GPN1: variants seen among roughly 807,000 people sequenced by gnomAD.
GPN1 encodes the protein GPN-loop GTPase 1.
In GPN1, 44 loss-of-function variants were observed where a neutral mutation model predicts 55.9. The ratio of observed to expected loss-of-function variants is 0.79; its 90% confidence interval spans 0.62 to 1.01. GPN1 has a LOEUF of 1.01. Ranked by LOEUF, GPN1 falls within the 50% of genes least tolerant of loss-of-function variation. The pLI is 0.00. For missense variants in GPN1, 466 were observed against 462.8 expected, an observed-to-expected ratio of 1.01 and a Z score of -0.06; for synonymous variants, 179 against 162.5, an observed-to-expected ratio of 1.10 and a Z score of -0.77.
rs868536016 is a variant in GPN1 at position 27,651,188 on chromosome 2, A to T, written c.*988A>T. 6.6e-6 allele frequency: 1 copy of T among 152,336 alleles called. No homozygotes were observed. Among genetic ancestry groups the T allele is most frequent in the Non-Finnish European group, 1.5e-5 (1 of 68,040 alleles). The allele number at this position is 152,336 out of a possible 1,614,324, so 9.4% of individuals were successfully genotyped here. A position where few individuals can be genotyped will look rare whatever the true frequency, so the allele number is the denominator to read the frequency against. ...TAAAACAGTACATTTCTTTCAAAGA[A>T]TTTTATCTCTATGAGTCAGTACTCC... On this transcript the variant is annotated 3_prime_UTR_variant, in exon 14 of 14. Transcript: ENST00000610189.
chr2:27,630,064 G>A (rs1003053872), intron 2 of GPN1, 112 bp downstream of exon 2: 5 of 688,222 alleles, frequency 7.3e-6, no homozygotes, highest in Non-Finnish European at 1.3e-5. Flanking sequence ...GAGGCAGGTA[G>A]ATCACGAGGT....
chr2:27,629,328 TCGGGCCC>T, intron 1 of GPN1, 159 bp downstream of exon 1: 1 of 1,507,532 alleles, frequency 6.6e-7, no homozygotes, highest in Non-Finnish European at 9.0e-7. Flanking sequence ...CAAAGCCTCC[TCGGGCCC>T]TAGCCAGGTT....
chr2:27,647,741 G>A (rs757994603), intron 12 of GPN1, 95 bp from the exon 13 acceptor site: 1 of 715,002 alleles, frequency 1.4e-6, no homozygotes, highest in Non-Finnish European at 2.5e-6. Flanking sequence ...TGTATCATGA[G>A]CACTTTCATC....
chr2:27,645,028 C>T (rs549841700), intron 12 of GPN1, among the ~76,000 whole-genome samples: 8 of 152,068 alleles, frequency 5.3e-5, no homozygotes, highest in South Asian at 2.1e-4. Flanking sequence ...AGTGCAGTGG[C>T]GCAATCATAG....
intron 13 of GPN1, among the ~76,000 whole-genome samples, chr2:27,648,263 T>C (rs140250855): frequency 3.4e-4 from 52 of 152,336 alleles, no homozygotes; most frequent in African/African-American, 1.2e-3. Context: ...CTCATGCCTG[T>C]AATCCCACTG....
intron 12 of GPN1, among the ~76,000 whole-genome samples, chr2:27,647,553 G>A (rs1363895662): frequency 6.6e-6 from 1 of 152,126 alleles, no homozygotes; most frequent in Non-Finnish European, 1.5e-5. Flanking sequence ...CTGTGAGCCA[G>A]TAAAAAAGAA....
chr2:27,640,223 G>T, intron 10 of GPN1, 98 bp downstream of exon 10: 1 of 819,840 alleles, frequency 1.2e-6, no homozygotes, highest in Non-Finnish European at 2.1e-6. Flanking sequence ...TTTTCATGAT[G>T]GATGTATTAT....
intron 12 of GPN1, among the ~76,000 whole-genome samples, chr2:27,646,810 T>C (rs1200772224): frequency 6.6e-6 from 1 of 152,200 alleles, no homozygotes; most frequent in East Asian, 1.9e-4. Context: ...GCTCTATATC[T>C]AGTAGAGAAC....
rs141362157 is a variant in GPN1 at position 27,640,913 on chromosome 2, T to C, written c.801-327T>C. Among the ~76,000 whole-genome samples the C allele has an allele frequency of 1.3e-3, 196 of 152,332 alleles. 2 individuals carry two copies. The highest frequency in any genetic ancestry group is 4.6e-3 in the African/African-American group (191 of 41,576). On this transcript the variant is annotated intron_variant, in intron 10 of 13. Transcript: ENST00000610189. ...AAAGCACATAATTGTATGTTGCACG[T>C]CCTGAGCTCAACAGGCTTATCTTTT...
intron 13 of GPN1, among the ~76,000 whole-genome samples, chr2:27,649,265 A>C (rs1237514185): frequency 8.5e-6 from 1 of 117,784 alleles, no homozygotes; most frequent in Non-Finnish European, 2.0e-5. Flanking sequence ...ACAAACAAAC[A>C]AACAAAAAAA....
chr2:27,635,888 T>TA (rs1673715574), intron 7 of GPN1, among the ~76,000 whole-genome samples: 1 of 152,092 alleles, frequency 6.6e-6, no homozygotes, highest in African/African-American at 2.4e-5. Flanking sequence ...CATGAGGAGA[T>TA]ACCATGAATA....
At position 27,635,142 on chromosome 2, in the gene GPN1, A is replaced by T. The variant is rs764213461; in HGVS notation, c.432A>T (p.Ala144=). Residue 144 remains alanine (A), a splice_region_variant and synonymous_variant, in exon 7 of 14, where the codon GCA becomes GCT. Coordinates refer to ENST00000610189, the MANE Select transcript of GPN1 (RefSeq NM_007266.4). Reference sequence around the variant, plus strand: ...CTTTGATTTTTTTGTGGCTTTAGGCATCCTCATTTCCAACAGTTGTCATCT... The same window carrying T: ...CTTTGATTTTTTTGTGGCTTTAGGCTTCCTCATTTCCAACAGTTGTCATCT... ...ASGTIITEAL[A]SSFPTVVIYV... 6.4e-7 allele frequency: 1 copy of T among 1,574,032 alleles called. No individual in the cohort carries two copies. Among genetic ancestry groups the T allele is most frequent in the Non-Finnish European group, 8.7e-7 (1 of 1,146,182 alleles).
At chr2:27,639,222 C>T (rs1355799805) in intron 9 of GPN1, among the ~76,000 whole-genome samples, 191 bp downstream of exon 9, 1 of 152,128 alleles carries the variant, frequency 6.6e-6, no homozygotes, top group Non-Finnish European at 1.5e-5. Flanking sequence ...AGTTTATAGT[C>T]TATTTGGGAG....
intron 7 of GPN1, 71 bp from the exon 8 acceptor site, chr2:27,638,139 C>A (rs748878379): frequency 2.7e-5 from 22 of 824,720 alleles, no homozygotes; most frequent in African/African-American, 5.0e-5. Context: ...TACTTAGTCC[C>A]GACATGCTGA....
chr2:27,630,988 A>G (rs1225731717), intron 2 of GPN1, 39 bp from the exon 3 acceptor site: 1 of 932,160 alleles, frequency 1.1e-6, no homozygotes, highest in Non-Finnish European at 1.8e-6. Flanking sequence ...GGGAATGTGT[A>G]TGTATTACAT....
In GPN1 at chr2:27,629,081, C is replaced by T. The variant is rs1388763379; in HGVS notation, c.23C>T (p.Ala8Val). 20 of 1,614,122 alleles carry T rather than the reference C, an allele frequency of 1.2e-5. No homozygotes were observed. The highest frequency in any genetic ancestry group is 1.7e-5 in the Non-Finnish European group (20 of 1,180,050). The change falls in exon 1 of 14, where the codon GCT becomes GTT. Residue 8 changes from alanine to valine, a missense_variant. Physicochemically the swap from Ala to Val is moderately conservative, Grantham distance 64. Coordinates refer to ENST00000610189, the MANE Select transcript of GPN1 (RefSeq NM_007266.4). ...AAGATGGCGGCGTCCGCAGCTGCCG[C>T]TGAGCTCCAGGCTTCTGGGGGTCCG... MAASAAA[A>V]ELQASGGPRH... is the part of the protein sequence containing the mutation.
At chr2:27,631,196 G>A (rs1673540192) in intron 3 of GPN1, 130 bp downstream of exon 3, 1 of 652,630 alleles carries the variant, frequency 1.5e-6, no homozygotes, top group Non-Finnish European at 2.8e-6. Flanking sequence ...CTGATTGTGG[G>A]AGAGGTAGGT....
At position 27,638,880 on chromosome 2, in the gene GPN1, T is replaced by C; in HGVS notation, c.571-5T>C. ...TTGCTCATAATTGACTTCTCTCTGG[T>C]ACAGACTGACATCATTGACCACAGC... On this transcript the variant is annotated splice_polypyrimidine_tract_variant and splice_region_variant and intron_variant, in intron 8 of 13. Transcript: ENST00000610189. The C allele has an allele frequency of 1.2e-6, 2 of 1,608,792 alleles. No individual in the cohort carries two copies. The highest frequency in any genetic ancestry group is 2.2e-5 in the East Asian group (1 of 44,830).
chr2:27,629,255 G>T, intron 1 of GPN1, 86 bp downstream of exon 1: 1 of 1,174,648 alleles, frequency 8.5e-7, no homozygotes, highest in Non-Finnish European at 1.2e-6. Context: ...GAGGGAAGAG[G>T]ATTTGGAGGG....
Sources: allele counts gnomAD v4.1 joint callset (sites outside exome capture counted in the v4.1 genomes callset), GRCh38; gene constraint gnomAD v4.1.1; transcripts MANE v1.5; gene names NCBI Gene and HGNC (gene_info 2026-07-23, HGNC 2026-07-21).